The following EYS variants were observed in gnomAD, a reference collection of about 807,000 sequenced individuals.
The protein encoded by EYS is EGF-like photoreceptor maintenance factor.
Under a neutral mutation model 282.1 loss-of-function variants are expected in EYS, and 250 were observed. The ratio of observed to expected loss-of-function variants is 0.89; its 90% CI spans 0.80 to 0.98. The LOEUF (loss-of-function observed/expected upper bound fraction) is 0.98, where lower values mean the gene tolerates loss of function less well. Among genes scored for constraint, EYS ranks in the 50% least tolerant of loss-of-function variants. The pLI is 0.00. For synonymous variants in EYS, 1,355 were observed against 1,282.9 expected, an observed-to-expected ratio of 1.06 and a Z score of -1.20; for missense variants, 4,016 against 3,709.0, an observed-to-expected ratio of 1.08 and a Z score of -2.15.
At chr6:65,543,728 A>G (rs1768269928) in intron 2 of EYS, among the ~76,000 whole-genome samples, 1 of 152,188 alleles carries the variant, frequency 6.6e-6, no homozygotes, top group African/African-American at 2.4e-5. Flanking sequence ...AAGTAGAGTC[A>G]TGACTATGAT....
At chr6:64,778,974 CA>C (rs747424480) in intron 22 of EYS, among the ~76,000 whole-genome samples, 43 of 152,200 alleles carry the variant, frequency 2.8e-4, no homozygotes, top group Non-Finnish European at 5.7e-4. Flanking sequence ...GGGTAAAACA[CA>C]AAACACTGAC....
intron 26 of EYS, among the ~76,000 whole-genome samples, chr6:64,459,255 C>T (rs1775664586): frequency 6.6e-6 from 1 of 152,058 alleles, no homozygotes; most frequent in Non-Finnish European, 1.5e-5. Context: ...ATATCATAGG[C>T]TATACAGAGT....
intron 2 of EYS, among the ~76,000 whole-genome samples, chr6:65,631,355 C>T (rs544219691): frequency 6.6e-6 from 1 of 152,158 alleles, no homozygotes; most frequent in South Asian, 2.1e-4. Context: ...ACTTAATCCA[C>T]TATGATATCC....
intron 30 of EYS, among the ~76,000 whole-genome samples, chr6:64,254,216 T>C (rs1158797225): frequency 6.6e-6 from 1 of 152,114 alleles, no homozygotes; most frequent in Non-Finnish European, 1.5e-5. Flanking sequence ...AAGAAAATTT[T>C]AAAACATTTC....
intron 12 of EYS, among the ~76,000 whole-genome samples, chr6:65,165,353 AAAC>A (rs1372921242): frequency 6.6e-6 from 1 of 150,748 alleles, no homozygotes; most frequent in African/African-American, 2.4e-5. Flanking sequence ...CTGTTTGCTC[AAAC>A]AATATACTTT....
chr6:64,408,918 T>C (rs1417081271), intron 28 of EYS, among the ~76,000 whole-genome samples: 6 of 152,276 alleles, frequency 3.9e-5, no homozygotes, highest in East Asian at 3.9e-4. Context: ...TACAAACCAA[T>C]AGGAAGATTT....
At chr6:64,795,636 T>C (rs1469618567) in intron 22 of EYS, among the ~76,000 whole-genome samples, 1 of 152,222 alleles carries the variant, frequency 6.6e-6, no homozygotes, top group Non-Finnish European at 1.5e-5. Context: ...CGTGTAAACA[T>C]AGGTGAAATA....
In EYS at chr6:65,267,010, A is replaced by C. The variant is rs539166755; in HGVS notation, c.2023+28853T>G. ...TATATAGAGAGAGAGAGAGAGAGAG[A>C]TCACACATGTAAAAAATTTGAATTA... is the stretch of plus-strand genomic sequence containing the variant. On this transcript the variant is annotated intron_variant, in intron 12 of 42. Transcript: ENST00000503581. Among the ~76,000 whole-genome samples, 224 of 150,114 alleles carry C rather than the reference A, an allele frequency of 1.5e-3. 1 individual carries two copies. Among genetic ancestry groups the C allele is most frequent in the African/African-American group, 5.2e-3 (212 of 41,030 alleles).
intron 33 of EYS, among the ~76,000 whole-genome samples, chr6:64,041,545 C>T (rs543541992): frequency 6.6e-6 from 1 of 152,210 alleles, no homozygotes; most frequent in African/African-American, 2.4e-5. Context: ...GTAGCCTGCC[C>T]TGGATTTGAG....
intron 22 of EYS, among the ~76,000 whole-genome samples, chr6:64,707,106 T>TACACAC (rs541099764): frequency 5.3e-5 from 6 of 112,718 alleles, no homozygotes; most frequent in East Asian, 4.3e-4. Context: ...TATATATGCA[T>TACACAC]ACACACACAC....
At chr6:65,342,197 T>A (rs531599469) in intron 10 of EYS, among the ~76,000 whole-genome samples, 2 of 150,874 alleles carry the variant, frequency 1.3e-5, no homozygotes, top group Non-Finnish European at 3.0e-5. Flanking sequence ...AGGACTCATG[T>A]AATTTTTAAA....
intron 26 of EYS, among the ~76,000 whole-genome samples, chr6:64,463,090 G>A (rs1385319131): frequency 6.6e-6 from 1 of 151,734 alleles, no homozygotes; most frequent in Non-Finnish European, 1.5e-5. Flanking sequence ...GGGACTACAG[G>A]TGCCCGCCAC....
intron 22 of EYS, among the ~76,000 whole-genome samples, chr6:64,635,980 G>C (rs1767964697): frequency 6.6e-6 from 1 of 152,022 alleles, no homozygotes; most frequent in African/African-American, 2.4e-5. Flanking sequence ...GTAAGCTATT[G>C]ATTATTGCCA....
At chr6:64,566,945 T>C (rs1420662482) in intron 26 of EYS, among the ~76,000 whole-genome samples, 1 of 152,082 alleles carries the variant, frequency 6.6e-6, no homozygotes, top group East Asian at 1.9e-4. Context: ...AGCTAATGTT[T>C]TGAGTTTTTA....
chr6:64,243,525 T>C (rs1766906903), intron 30 of EYS, among the ~76,000 whole-genome samples: 1 of 151,930 alleles, frequency 6.6e-6, no homozygotes, highest in Admixed American at 6.6e-5. Flanking sequence ...CCAGACAGGG[T>C]AAAGAAGGTA....
At chr6:64,126,186 C>G (rs1773779929) in intron 31 of EYS, among the ~76,000 whole-genome samples, 1 of 151,974 alleles carries the variant, frequency 6.6e-6, no homozygotes, top group Non-Finnish European at 1.5e-5. Flanking sequence ...CCATTTGACC[C>G]AGCGATCCCA....
At chr6:63,801,734 A>G (rs1161542393) in intron 37 of EYS, among the ~76,000 whole-genome samples, 1 of 152,222 alleles carries the variant, frequency 6.6e-6, no homozygotes, top group Non-Finnish European at 1.5e-5. Flanking sequence ...CATTTTCATG[A>G]TGAAGTGTTT....
chr6:65,079,025 G>A (rs1445578427), intron 12 of EYS, among the ~76,000 whole-genome samples: 1 of 151,672 alleles, frequency 6.6e-6, no homozygotes, highest in Non-Finnish European at 1.5e-5. Context: ...CATGTTTTCT[G>A]TTCAGCCTGC....
intron 33 of EYS, among the ~76,000 whole-genome samples, chr6:64,049,059 G>A (rs565468371): frequency 1.1e-4 from 16 of 152,252 alleles, no homozygotes; most frequent in African/African-American, 3.6e-4. Context: ...GAATTCCCAT[G>A]GCACTTACAA....
Sources: allele counts gnomAD v4.1 joint callset (sites outside exome capture counted in the v4.1 genomes callset), GRCh38; gene constraint gnomAD v4.1.1; transcripts MANE v1.5; gene names NCBI Gene and HGNC (gene_info 2026-07-23, HGNC 2026-07-21).